Variants in ADAM18 observed in about 807,000 individuals in gnomAD.
The protein encoded by ADAM18 is disintegrin and metalloproteinase domain-containing protein 18.
Under a neutral mutation model 94.4 loss-of-function variants are expected in ADAM18, and 117 were observed. The observed-to-expected ratio is 1.24, with a 90% CI of 1.07 to 1.45. ADAM18 has a LOEUF of 1.45. Ranked by LOEUF, ADAM18 falls within the 40% of genes most tolerant of loss-of-function variation. The pLI is 0.00. For missense variants in ADAM18, 936 were observed against 880.0 expected (o/e 1.06, Z -0.81); for synonymous variants, 327 against 291.6 (o/e 1.12, Z -1.24).
At position 39,648,498 on chromosome 8, in the gene ADAM18, A is replaced by C; in HGVS notation, c.1201A>C (p.Asn401His). The C allele has an allele frequency of 6.2e-7, 1 of 1,608,498 alleles. No homozygotes were observed. The highest frequency in any genetic ancestry group is 8.5e-7 in the Non-Finnish European group (1 of 1,177,952). The change falls in exon 12 of 20, where the codon AAT (asparagine) becomes CAT (histidine). Residue 401 changes from asparagine (N) to histidine (H), a missense_variant. By Grantham distance (68) the Asn-to-His change is moderately conservative. Coordinates refer to ENST00000265707, the MANE Select transcript of ADAM18 (RefSeq NM_014237.3). ...GTGTGGTAATGGGATTTTGGAATCC[A>C]ATGAAGAATGTGACTGTGGTAATAA... ...PVCGNGILES[N>H]EECDCGNKNE...
chr8:39,587,205 C>T (rs1818429580), intron 2 of ADAM18, among the ~76,000 whole-genome samples: 1 of 152,142 alleles, frequency 6.6e-6, no homozygotes, highest in Admixed American at 6.5e-5. Context: ...TCCTTGCATA[C>T]TTTTGTTTTG....
intron 1 of ADAM18, among the ~76,000 whole-genome samples, chr8:39,584,928 A>C (rs1182970724): frequency 6.6e-6 from 1 of 152,102 alleles, no homozygotes; most frequent in Admixed American, 6.5e-5. Context: ...GTCTTCTGGC[A>C]TCTTCCCACT....
At position 39,729,943 on chromosome 8, in the gene ADAM18, T is replaced by C. The variant is rs1393968409; in HGVS notation, c.*3T>C. ...AAAGCGATGACGTGGGACATTAATA[T>C]TGCACAGAACTTCCATAGCAAATAA... On this transcript the variant is annotated 3_prime_UTR_variant, in exon 20 of 20. Transcript: ENST00000265707. 4.3e-6 allele frequency: 7 copies of C among 1,612,260 alleles called. No individual in the cohort carries two copies. The highest frequency in any genetic ancestry group is 5.9e-6 in the Non-Finnish European group (7 of 1,178,394).
intron 14 of ADAM18, among the ~76,000 whole-genome samples, chr8:39,675,510 G>T (rs1333023440): frequency 6.6e-6 from 1 of 152,118 alleles, no homozygotes; most frequent in Non-Finnish European, 1.5e-5. Context: ...GTTTATTCTA[G>T]TTAGCCATTC....
intron 14 of ADAM18, among the ~76,000 whole-genome samples, chr8:39,675,416 G>T (rs1177620646): frequency 6.6e-6 from 1 of 152,012 alleles, no homozygotes; most frequent in Non-Finnish European, 1.5e-5. Context: ...AATAGAATCG[G>T]CTATTGATGT....
chr8:39,696,298 T>A (rs759919215), intron 17 of ADAM18, among the ~76,000 whole-genome samples: 47,714 of 150,692 alleles, frequency 0.32, 8,353 homozygotes, highest in East Asian at 0.75. Context: ...CCTTATCATA[T>A]ATGTGATTTG....
At position 39,692,626 on chromosome 8, in the gene ADAM18, A is replaced by T; in HGVS notation, c.1848A>T (p.Lys616Asn). ...EMYCVNKTCR[K>N]VHLMGYNCNA... is the part of the protein sequence containing the mutation. The stretch of plus-strand genomic sequence containing the variant: ...ACTGTGTAAATAAAACCTGCAGAAA[A>T]GTTCATTTAATGGGATATAACTGTA... Residue 616 changes from lysine (K) to asparagine (N), a missense_variant, in exon 17 of 20, where the codon AAA becomes AAT. By Grantham distance (94) the Lys-to-Asn change is moderately conservative. Coordinates refer to ENST00000265707, the MANE Select transcript of ADAM18 (RefSeq NM_014237.3). The T allele has an allele frequency of 6.2e-7, 1 of 1,605,806 alleles. No individual in the cohort carries two copies. The highest frequency in any genetic ancestry group is 8.5e-7 in the Non-Finnish European group (1 of 1,175,412).
chr8:39,696,209 A>C (rs945738482), intron 17 of ADAM18, among the ~76,000 whole-genome samples: 3 of 151,360 alleles, frequency 2.0e-5, no homozygotes, highest in Non-Finnish European at 4.4e-5. Flanking sequence ...TTTCTATTCA[A>C]GTCCTTTGAG....
At chr8:39,710,017 C>T (rs559467902) in intron 18 of ADAM18, among the ~76,000 whole-genome samples, 7 of 152,188 alleles carry the variant, frequency 4.6e-5, no homozygotes, top group Admixed American at 2.0e-4. Context: ...ATGCTGGTGT[C>T]GTTAAGGGTA....
At chr8:39,699,776 G>A (rs2129581073) in intron 17 of ADAM18, among the ~76,000 whole-genome samples, 1 of 152,238 alleles carries the variant, frequency 6.6e-6, no homozygotes, top group East Asian at 1.9e-4. Context: ...GGATCTTCAA[G>A]GAGTGACAGA....
intron 2 of ADAM18, among the ~76,000 whole-genome samples, chr8:39,590,459 T>C (rs4437612): frequency 0.33 from 50,221 of 152,034 alleles, 9,424 homozygotes; most frequent in Non-Finnish European, 0.42. Context: ...AGGGGAGGGA[T>C]AGCATTGGGA....
chr8:39,637,293 T>A lies in ADAM18; in HGVS notation c.618T>A (p.Ala206=). ...LYDYMGSEMM[A]VTQKIVQVIG... is the part of the protein sequence containing the mutation. The stretch of plus-strand genomic sequence containing the variant: ...ATTATATGGGATCTGAAATGATGGC[T>A]GTAACACAAAAAATTGTCCAGGTTA... Residue 206 remains alanine, a synonymous_variant, in exon 8 of 20, where the codon GCT becomes GCA. Coordinates refer to ENST00000265707, the MANE Select transcript of ADAM18 (RefSeq NM_014237.3). The A allele has an allele frequency of 6.2e-7, 1 of 1,607,432 alleles. No individual in the cohort carries two copies.
chr8:39,607,053 T>G (rs766029746), intron 3 of ADAM18, among the ~76,000 whole-genome samples: 81 of 152,328 alleles, frequency 5.3e-4, no homozygotes, highest in Non-Finnish European at 9.3e-4. Flanking sequence ...GGTGGGAAAT[T>G]CAACTAGTGA....
intron 2 of ADAM18, chr8:39,605,808 C>T (rs998451345): frequency 5.6e-6 from 1 of 178,388 alleles, no homozygotes; most frequent in Non-Finnish European, 1.2e-5. Context: ...CACCCATCAC[C>T]CGAGCAGTAT....
chr8:39,663,437 A>AG (rs1262415835), intron 12 of ADAM18, among the ~76,000 whole-genome samples: 2 of 148,788 alleles, frequency 1.3e-5, no homozygotes, highest in African/African-American at 4.9e-5. Flanking sequence ...AAAAAAAAAA[A>AG]AAAAGAAAAA....
At chr8:39,724,440 T>A (rs1161984037) in intron 19 of ADAM18, among the ~76,000 whole-genome samples, 1 of 151,920 alleles carries the variant, frequency 6.6e-6, no homozygotes, top group East Asian at 1.9e-4. Context: ...TTTGTTTATT[T>A]GCATTTTCTT....
At chr8:39,681,611 G>A (rs552258605) in intron 16 of ADAM18, among the ~76,000 whole-genome samples, 1 of 152,296 alleles carries the variant, frequency 6.6e-6, no homozygotes, top group Non-Finnish European at 1.5e-5. Flanking sequence ...AATTGGGTAT[G>A]AATATAGAAC....
At chr8:39,634,315 C>T (rs1300560054) in intron 7 of ADAM18, among the ~76,000 whole-genome samples, 2 of 152,118 alleles carry the variant, frequency 1.3e-5, no homozygotes, top group Non-Finnish European at 2.9e-5. Context: ...CAAAGGATGC[C>T]TCAGAGAGAC....
chr8:39,609,465 C>G lies in ADAM18; in HGVS notation c.268-20C>G. The stretch of plus-strand genomic sequence containing the variant: ...ATTCACAACGAATTTATATACTTGC[C>G]TTTCTATACTGTTTTTCAGATGCAT... On this transcript the variant is annotated intron_variant, in intron 4 of 19. Coordinates refer to ENST00000265707, the MANE Select transcript of ADAM18 (RefSeq NM_014237.3). The G allele has an allele frequency of 6.3e-7, 1 of 1,587,102 alleles. No individual in the cohort carries two copies.
Sources: gnomAD v4.1 joint callset for allele counts (sites outside exome capture counted in the v4.1 genomes callset) on GRCh38, gnomAD v4.1.1 for gene constraint, MANE v1.5 for transcripts, NCBI Gene and HGNC (gene_info 2026-07-23, HGNC 2026-07-21) for gene names.